The following NIPBL variants were observed in gnomAD, a reference collection of about 807,000 sequenced individuals.
The protein encoded by NIPBL is NIPBL cohesin loading factor, also known as nipped-B-like protein.
NIPBL carries 19 observed loss-of-function variants against 321.8 expected under a neutral mutation model. The ratio of observed to expected loss-of-function variants is 0.06; its 90% CI spans 0.04 to 0.09. The LOEUF is 0.09. NIPBL is among the 10% of genes least tolerant of loss of function. NIPBL has a pLI of 1.00. For missense variants in NIPBL, 2,210 were observed against 3,327.0 expected, an observed-to-expected ratio of 0.66 and a Z score of 8.26; for synonymous variants, 1,106 against 1,114.1, an observed-to-expected ratio of 0.99 and a Z score of 0.14.
chr5:36,902,132 A>G (rs1221140137), intron 1 of NIPBL, among the ~76,000 whole-genome samples: 2 of 151,156 alleles, frequency 1.3e-5, no homozygotes, highest in South Asian at 2.1e-4. Flanking sequence ...TACTTTGTTT[A>G]GATTCCTTAC....
chr5:36,916,799 C>T (rs1241174043), intron 1 of NIPBL, among the ~76,000 whole-genome samples: 4 of 152,092 alleles, frequency 2.6e-5, no homozygotes, highest in African/African-American at 9.7e-5. Flanking sequence ...TGGTTTCCAG[C>T]TTCATCCATG....
Position 37,064,958 on chromosome 5 carries a change from A to G in NIPBL, c.*66A>G. The G allele has an allele frequency of 6.3e-7, 1 of 1,588,522 alleles. No individual in the cohort carries two copies. Among genetic ancestry groups the G allele is most frequent in the South Asian group, 1.1e-5 (1 of 90,142 alleles). On this transcript the variant is annotated 3_prime_UTR_variant, in exon 47 of 47. Transcript: ENST00000282516. ...AAAGGCAGAAAAACTTGAAATACCA[A>G]CATTCTGGCAAAAAAAAATCAGTTT...
chr5:37,064,223 T>G (rs1755136911), intron 46 of NIPBL: 1 of 1,383,078 alleles, frequency 7.2e-7, no homozygotes, highest in Non-Finnish European at 9.4e-7. Flanking sequence ...TTCTTTGAAT[T>G]GTATTAATGT....
At chr5:36,905,699 T>TA (rs1006373682) in intron 1 of NIPBL, among the ~76,000 whole-genome samples, 23 of 152,074 alleles carry the variant, frequency 1.5e-4, no homozygotes, top group African/African-American at 3.9e-4. Context: ...GAAATTTATC[T>TA]AAAAAATAAG....
At chr5:36,940,111 A>G (rs889586010) in intron 1 of NIPBL, among the ~76,000 whole-genome samples, 1 of 152,164 alleles carries the variant, frequency 6.6e-6, no homozygotes, top group African/African-American at 2.4e-5. Flanking sequence ...AATTGTTTTC[A>G]TACTCTGTTT....
intron 33 of NIPBL, among the ~76,000 whole-genome samples, chr5:37,037,028 C>T (rs1751770538): frequency 6.6e-6 from 1 of 151,794 alleles, no homozygotes. Context: ...TATATTATCT[C>T]ACATTATTTA....
chr5:36,903,180 G>A (rs1580188063), intron 1 of NIPBL, among the ~76,000 whole-genome samples: 1 of 152,166 alleles, frequency 6.6e-6, no homozygotes, highest in African/African-American at 2.4e-5. Flanking sequence ...AGACTGTGGG[G>A]TTTTCTAGGA....
chr5:36,887,885 C>T (rs1418362935), intron 1 of NIPBL, among the ~76,000 whole-genome samples: 2 of 152,122 alleles, frequency 1.3e-5, no homozygotes, highest in East Asian at 3.8e-4. Context: ...TGACCTGTCA[C>T]CCAAAGAAAG....
At chr5:36,904,945 A>G (rs1349715892) in intron 1 of NIPBL, among the ~76,000 whole-genome samples, 1 of 152,198 alleles carries the variant, frequency 6.6e-6, no homozygotes, top group Non-Finnish European at 1.5e-5. Flanking sequence ...ATAGGAGGGA[A>G]TTACACAAGG....
At chr5:36,981,488 A>G (rs561701483) in intron 9 of NIPBL, among the ~76,000 whole-genome samples, 3 of 151,816 alleles carry the variant, frequency 2.0e-5, no homozygotes, top group South Asian at 4.2e-4. Flanking sequence ...ATATACGTTG[A>G]TAAGGCAACT....
chr5:36,995,921 A>G, intron 11 of NIPBL, 117 bp downstream of exon 11: 1 of 855,444 alleles, frequency 1.2e-6, no homozygotes, highest in Non-Finnish European at 1.9e-6. Flanking sequence ...TCTTAATAAC[A>G]CAGTATAGTA....
intron 1 of NIPBL, among the ~76,000 whole-genome samples, chr5:36,877,719 A>T (rs1024084111): frequency 6.6e-6 from 1 of 152,226 alleles, no homozygotes; most frequent in Non-Finnish European, 1.5e-5. Flanking sequence ...GACAAACGTA[A>T]ATACTCAGAC....
chr5:36,895,723 C>G (rs1344464806), intron 1 of NIPBL, among the ~76,000 whole-genome samples: 1 of 152,132 alleles, frequency 6.6e-6, no homozygotes, highest in East Asian at 1.9e-4. Flanking sequence ...TATTAAACAC[C>G]TTTTTATGTG....
chr5:37,031,540 G>A lies in NIPBL; in HGVS notation c.5862+4128G>A, dbSNP rs530059817. Among the ~76,000 whole-genome samples the A allele has an allele frequency of 2.0e-5, 3 of 152,258 alleles. No individual in the cohort carries two copies. In the South Asian group the frequency reaches 6.2e-4, roughly 32 times the overall value. ...ACACAAAAATTAAATAGATTTTACA[G>A]TGCCATTCATTTTAATTACTTAAGA... On this transcript the variant is annotated intron_variant, in intron 32 of 46. Coordinates refer to ENST00000282516, the MANE Select transcript of NIPBL (RefSeq NM_133433.4).
chr5:36,976,195 C>G lies in NIPBL; in HGVS notation c.1288C>G (p.Pro430Ala). The G allele has an allele frequency of 6.2e-7, 1 of 1,612,652 alleles. No individual in the cohort carries two copies. Among genetic ancestry groups the G allele is most frequent in the Non-Finnish European group, 8.5e-7 (1 of 1,179,200 alleles). ...LSQQEQTAFL[P>A]ANQVPVLQQN... ...GCAGCAAGAACAAACAGCATTCCTT[C>G]CAGCAAATCAAGTGCCTGTTTTACA... Residue 430 changes from proline (P) to alanine (A), a missense_variant, in exon 9 of 47, where the codon CCA (proline) becomes GCA (alanine). Pro to Ala is a conservative substitution (Grantham distance 27, BLOSUM62 -1). Around this residue, in one of 14 missense-constraint regions of NIPBL, gnomAD observed 464 missense variants for 529.5 expected, o/e 0.88. Coordinates refer to ENST00000282516, the MANE Select transcript of NIPBL (RefSeq NM_133433.4).
In NIPBL at chr5:37,022,136, G is replaced by C; in HGVS notation, c.5414G>C (p.Ser1805Thr). The C allele has an allele frequency of 6.2e-7, 1 of 1,614,054 alleles. No individual in the cohort carries two copies. The highest frequency in any genetic ancestry group is 8.5e-7 in the Non-Finnish European group (1 of 1,179,960). The change falls in exon 28 of 47, where the codon AGT becomes ACT. Residue 1805 changes from serine to threonine, a missense_variant. Ser to Thr is a moderately conservative substitution (Grantham distance 58). Transcript: ENST00000282516. ...CLSEVVAVDP[S>T]ILARLDMQRG... ...TCTGAGGTTGTTGCTGTAGACCCCAGTATTCTAGCAAGGGTAAAGAGCAAA... is the reference window on the plus strand; with the variant it reads ...TCTGAGGTTGTTGCTGTAGACCCCACTATTCTAGCAAGGGTAAAGAGCAAA...
chr5:36,931,194 T>C (rs1157157840), intron 1 of NIPBL, among the ~76,000 whole-genome samples: 2 of 152,186 alleles, frequency 1.3e-5, no homozygotes, highest in East Asian at 3.8e-4. Flanking sequence ...TTGTTAGGGA[T>C]CTATTCAGAG....
At chr5:37,028,875 G>A (rs1326937052) in intron 32 of NIPBL, among the ~76,000 whole-genome samples, 1 of 152,010 alleles carries the variant, frequency 6.6e-6, no homozygotes, top group Admixed American at 6.6e-5. Context: ...TCTTATGTTA[G>A]TTTGCCCCTT....
At position 36,886,019 on chromosome 5, in the gene NIPBL, C is replaced by T; in HGVS notation, c.-80+8841C>T. 6 of 717,988 alleles carry T rather than the reference C, an allele frequency of 8.4e-6. No homozygotes were observed. In the East Asian group the frequency reaches 1.0e-4, roughly 13 times the overall value. The allele number at this position is 717,988 out of a possible 1,614,324, so 44.5% of individuals were successfully genotyped here. ...AGAGGAGCTAGACAAGTACTGGTCT[C>T]AGCAGATTGAGGAGAGCACCACAGT... On this transcript the variant is annotated intron_variant, in intron 1 of 46. Transcript: ENST00000282516.
Sources: gnomAD v4.1 joint callset for allele counts (sites outside exome capture counted in the v4.1 genomes callset) on GRCh38, gnomAD v4.1.1 for gene constraint, gnomAD v4.1.1 regional missense constraint, MANE v1.5 for transcripts, NCBI Gene and HGNC (gene_info 2026-07-23, HGNC 2026-07-21) for gene names.